Variants in SPTBN1 observed in about 807,000 individuals in gnomAD.
SPTBN1 encodes the protein spectrin beta chain, non-erythrocytic 1.
A neutral mutation model predicts 266.4 loss-of-function variants in SPTBN1; 32 were observed. The observed-to-expected ratio is 0.12, with a 90% confidence interval of 0.09 to 0.16. The LOEUF (loss-of-function observed/expected upper bound fraction) is 0.16. Ranked by LOEUF, SPTBN1 falls within the 10% of genes least tolerant of loss-of-function variation. The pLI is 1.00. For synonymous variants in SPTBN1, 1,336 were observed against 1,162.2 expected (o/e 1.15, Z -3.04); for missense variants, 2,296 against 3,067.1 (o/e 0.75, Z 5.94).
At chr2:54,462,934 C>G (rs576962421) in intron 1 of SPTBN1, among the ~76,000 whole-genome samples, 1 of 152,224 alleles carries the variant, frequency 6.6e-6, no homozygotes, top group Non-Finnish European at 1.5e-5. Flanking sequence ...TAGGCAGTAA[C>G]TACCACTCGA....
intron 2 of SPTBN1, among the ~76,000 whole-genome samples, chr2:54,582,260 A>T (rs563437717): frequency 2.0e-5 from 3 of 152,112 alleles, no homozygotes; most frequent in Non-Finnish European, 4.4e-5. Context: ...AGCATAAGGG[A>T]TGTTAAAGGT....
intron 1 of SPTBN1, among the ~76,000 whole-genome samples, chr2:54,514,293 AAC>A (rs1215374027): frequency 6.6e-6 from 1 of 152,242 alleles, no homozygotes; most frequent in Non-Finnish European, 1.5e-5. Context: ...TTTTAAAATA[AAC>A]AGTGTATTTC....
At chr2:54,532,108 C>T (rs1368370199) in intron 2 of SPTBN1, among the ~76,000 whole-genome samples, 1 of 152,032 alleles carries the variant, frequency 6.6e-6, no homozygotes, top group East Asian at 1.9e-4. Flanking sequence ...GCCAACGTAG[C>T]GAAACCCCAT....
intron 2 of SPTBN1, among the ~76,000 whole-genome samples, chr2:54,575,718 A>C (rs1018785810): frequency 1.3e-5 from 2 of 152,354 alleles, no homozygotes; most frequent in East Asian, 3.9e-4. Flanking sequence ...ATCTGTTATG[A>C]TGCAATTAAG....
intron 1 of SPTBN1, among the ~76,000 whole-genome samples, chr2:54,506,155 AT>A (rs1669543562): frequency 1.3e-5 from 2 of 149,466 alleles, no homozygotes; most frequent in Non-Finnish European, 1.5e-5. Flanking sequence ...AAATAAATAA[AT>A]AAATAAAATC....
rs538062621 is a variant in SPTBN1, at chr2:54,583,754, A to G, written c.149-15338A>G. On this transcript the variant is annotated intron_variant, in intron 2 of 35. Coordinates refer to ENST00000356805, the MANE Select transcript of SPTBN1 (RefSeq NM_003128.3). ...GCATTTTATTTTAGCATATTCATTG[A>G]AGGCAGCAGTACACATAGGACCTTT... Among the ~76,000 whole-genome samples the G allele has an allele frequency of 1.8e-4, 27 of 152,338 alleles. No individual in the cohort carries two copies. In the South Asian group the frequency reaches 1.9e-3, roughly 11 times the overall value.
chr2:54,636,239 C>G (rs1055134871), intron 17 of SPTBN1, among the ~76,000 whole-genome samples: 5 of 152,034 alleles, frequency 3.3e-5, no homozygotes, highest in African/African-American at 1.2e-4. Flanking sequence ...GATCCCTTTT[C>G]CTGATGCTAT....
chr2:54,650,722 T>C (rs539130090), intron 26 of SPTBN1, among the ~76,000 whole-genome samples: 24 of 152,386 alleles, frequency 1.6e-4, no homozygotes, highest in Admixed American at 1.1e-3. Context: ...TTTTTCGCTT[T>C]ATGAGATACA....
intron 2 of SPTBN1, among the ~76,000 whole-genome samples, chr2:54,528,969 T>TAAATAATAAGTAGG (rs1157817834): frequency 6.6e-6 from 1 of 152,140 alleles, no homozygotes; most frequent in African/African-American, 2.4e-5. Flanking sequence ...TCCTACTTAT[T>TAAATAATAAGTAGG]ATTTTACTTC....
chr2:54,490,002 G>T (rs1668601213), intron 1 of SPTBN1, among the ~76,000 whole-genome samples: 1 of 152,020 alleles, frequency 6.6e-6, no homozygotes, highest in Non-Finnish European at 1.5e-5. Context: ...AACCATTCTT[G>T]CTGGTCTCAC....
At chr2:54,469,800 TGA>T (rs1693824148) in intron 1 of SPTBN1, among the ~76,000 whole-genome samples, 1 of 152,240 alleles carries the variant, frequency 6.6e-6, no homozygotes, top group Non-Finnish European at 1.5e-5. Flanking sequence ...GTGACTTCTC[TGA>T]GAGGGGCCTG....
chr2:54,533,943 AACAC>A lies in SPTBN1; in HGVS notation c.148+7384_148+7387del, dbSNP rs1018501730. Among the ~76,000 whole-genome samples, 2 of 149,880 alleles carry A rather than the reference AACAC, an allele frequency of 1.3e-5. No homozygotes were observed. The highest frequency in any genetic ancestry group is 3.0e-5 in the Non-Finnish European group (2 of 67,726). On this transcript the variant is annotated intron_variant, in intron 2 of 35. Transcript: ENST00000356805. The surrounding 1 kb of genome is among the most constrained non-coding windows in gnomAD (Gnocchi z 4.2). ...ACACACACACGCACGCACGCACACA[AACAC>A]ACACACCCCAGTCATTTTAAGGGGT...
In SPTBN1 at chr2:54,653,844, A is replaced by T; in HGVS notation, c.5813A>T (p.Glu1938Val). 1 of 1,612,134 alleles carries T rather than the reference A, an allele frequency of 6.2e-7. No homozygotes were observed. Among genetic ancestry groups the T allele is most frequent in the Non-Finnish European group, 8.5e-7 (1 of 1,179,544 alleles). The change falls in exon 27 of 36, where the codon GAG (glutamate) becomes GTG (valine). Residue 1938 changes from glutamate to valine, a missense_variant. This residue lies in a region of SPTBN1 where 644 missense variants were observed against 745.3 expected (regional missense o/e 0.86). Coordinates refer to ENST00000356805, the MANE Select transcript of SPTBN1 (RefSeq NM_003128.3). This position sits in a 1 kb window ranked among gnomAD's most constrained non-coding sequence, Gnocchi z 5.1. ...EDVIRQIEAQ[E>V]KPRDVSSVEL... is the part of the protein sequence containing the mutation. ...GTCATCCGGCAGATCGAGGCCCAGG[A>T]GAAGCCAAGGTAACGCTTTCAGCCC...
chr2:54,473,575 A>G (rs954821899), intron 1 of SPTBN1, among the ~76,000 whole-genome samples: 2 of 152,012 alleles, frequency 1.3e-5, no homozygotes, highest in Admixed American at 1.3e-4. Context: ...AATTGTATTG[A>G]GGAGAGGTGA....
chr2:54,463,089 CT>C (rs1297293542), intron 1 of SPTBN1, among the ~76,000 whole-genome samples: 19 of 147,034 alleles, frequency 1.3e-4, no homozygotes, highest in African/African-American at 4.8e-4. Flanking sequence ...AGAGAGGTGA[CT>C]GGGGGTCCAG....
At chr2:54,485,394 T>C (rs1219419875) in intron 1 of SPTBN1, among the ~76,000 whole-genome samples, 1 of 152,248 alleles carries the variant, frequency 6.6e-6, no homozygotes, top group African/African-American at 2.4e-5. Flanking sequence ...GGTTTCACTG[T>C]GTTGGCCGGG....
intron 5 of SPTBN1, among the ~76,000 whole-genome samples, chr2:54,617,248 C>T (rs965337127): frequency 2.0e-5 from 3 of 152,210 alleles, no homozygotes; most frequent in Non-Finnish European, 2.9e-5. Flanking sequence ...CAAGGGACTG[C>T]AGGTCCTGGT....
At chr2:54,486,652 C>G (rs1011312977) in intron 1 of SPTBN1, among the ~76,000 whole-genome samples, 1 of 151,886 alleles carries the variant, frequency 6.6e-6, no homozygotes, top group Non-Finnish European at 1.5e-5. Context: ...TGCTGACCTT[C>G]CCTCCACTAT....
At chr2:54,575,260 A>G (rs62134681) in intron 2 of SPTBN1, among the ~76,000 whole-genome samples, 20,892 of 152,258 alleles carry the variant, frequency 0.14, 1,568 homozygotes, top group Middle Eastern at 0.25. Flanking sequence ...TAGCAATACA[A>G]TACACAGCTG....
Sources: gnomAD v4.1 joint callset for allele counts (sites outside exome capture counted in the v4.1 genomes callset) on GRCh38, gnomAD v4.1.1 for gene constraint, gnomAD v4.1.1 regional missense constraint, Gnocchi (gnomAD v3.1) non-coding constraint, MANE v1.5 for transcripts, NCBI Gene and HGNC (gene_info 2026-07-23, HGNC 2026-07-21) for gene names.